OSBP: variants seen among roughly 807,000 people sequenced by gnomAD.
The protein encoded by OSBP is oxysterol-binding protein 1.
Under a neutral mutation model 96.6 loss-of-function variants are expected in OSBP, and 32 were observed. The observed-to-expected ratio is 0.33, with a 90% CI of 0.25 to 0.45. OSBP has a LOEUF of 0.45. Among genes scored for constraint, OSBP ranks in the 20% least tolerant of loss-of-function variants. The probability of loss-of-function intolerance (pLI) is 1.00; values close to 1 mark genes in which losing one functional copy is unlikely to be tolerated. For synonymous variants in OSBP, 369 were observed against 389.6 expected, an observed-to-expected ratio of 0.95 and a Z score of 0.62; for missense variants, 653 against 1,029.7, an observed-to-expected ratio of 0.63 and a Z score of 5.01.
chr11:59,599,444 T>TG (rs1201613190), intron 7 of OSBP, among the ~76,000 whole-genome samples: 1 of 152,150 alleles, frequency 6.6e-6, no homozygotes, highest in Non-Finnish European at 1.5e-5. Context: ...ACCCCACAGT[T>TG]GGCCCCATGA....
intron 9 of OSBP, among the ~76,000 whole-genome samples, chr11:59,590,588 C>T (rs778455716): frequency 2.0e-5 from 3 of 152,172 alleles, no homozygotes; most frequent in Non-Finnish European, 4.4e-5. Context: ...ATAATGAGCA[C>T]TCAACAAATG....
Position 59,608,492 on chromosome 11 carries a change from T to C in OSBP, c.814A>G (p.Met272Val). The change falls in exon 3 of 14, where the codon ATG (methionine) becomes GTG (valine). Residue 272 changes from methionine (M) to valine (V), a missense_variant. This residue lies in a region of OSBP where 308 missense variants were observed against 573.1 expected (regional missense o/e 0.54). Transcript: ENST00000263847. Reference sequence around the variant, plus strand: ...ACACCATCTGCACTCACGTTGATCATGGCATTGGATGTTATCCTAAAGAGT... The same window carrying C: ...ACACCATCTGCACTCACGTTGATCACGGCATTGGATGTTATCCTAAAGAGT... ...ATLFRITSNA[M>V]INACRDFLML... The C allele has an allele frequency of 1.2e-6, 2 of 1,614,208 alleles. No homozygotes were observed. The highest frequency in any genetic ancestry group is 1.7e-6 in the Non-Finnish European group (2 of 1,180,022).
Position 59,576,654 on chromosome 11 carries a change from A to G in OSBP, c.2347T>C (p.Leu783=). Residue 783 remains leucine, a synonymous_variant, in exon 14 of 14, where the codon TTA becomes CTA. Transcript: ENST00000263847. ...TATTCTCCCCTATAAATATGGGTTA[A>G]CTCCTTGGTAACAGGGTCCTTCTTC... The part of the protein sequence containing the change: ...ERKKDPVTKE[L]THIYRGEYWE... 6.2e-7 allele frequency: 1 copy of G among 1,614,050 alleles called. No individual in the cohort carries two copies. The highest frequency in any genetic ancestry group is 8.5e-7 in the Non-Finnish European group (1 of 1,180,006).
At chr11:59,605,832 C>T (rs1200574562) in intron 3 of OSBP, among the ~76,000 whole-genome samples, 2 of 152,290 alleles carry the variant, frequency 1.3e-5, no homozygotes, top group East Asian at 3.9e-4. Flanking sequence ...TTACCATTTA[C>T]AGATAAGGAA....
chr11:59,614,323 T>G (rs1352991443), intron 1 of OSBP, among the ~76,000 whole-genome samples: 3 of 152,188 alleles, frequency 2.0e-5, no homozygotes, highest in Non-Finnish European at 2.9e-5. Flanking sequence ...TCCCAACTCC[T>G]AGGGTTGTTG....
chr11:59,578,984 T>C lies in OSBP; in HGVS notation c.1879-654A>G, dbSNP rs1348608902. 1.3e-5 allele frequency among the ~76,000 whole-genome samples: 2 copies of C among 152,248 alleles called. 1 individual carries two copies. Among genetic ancestry groups the C allele is most frequent in the Non-Finnish European group, 2.9e-5 (2 of 68,046 alleles). The stretch of plus-strand genomic sequence containing the variant: ...TGTACAATTAAATTATTTTTGACTG[T>C]AGTCACCCTGTTGTGCCAGCAAATA... On this transcript the variant is annotated intron_variant, in intron 11 of 13. Coordinates refer to ENST00000263847, the MANE Select transcript of OSBP (RefSeq NM_002556.3).
chr11:59,586,367 G>C (rs1590669419), intron 9 of OSBP, among the ~76,000 whole-genome samples: 1 of 152,004 alleles, frequency 6.6e-6, no homozygotes, highest in African/African-American at 2.4e-5. Flanking sequence ...CTTAATCAAG[G>C]AGGTGAAAAC....
At chr11:59,585,424 G>A (rs1860486992) in intron 9 of OSBP, among the ~76,000 whole-genome samples, 1 of 150,552 alleles carries the variant, frequency 6.6e-6, no homozygotes, top group African/African-American at 2.4e-5. Flanking sequence ...GAAGTGAGGA[G>A]CCCCTCCGCC....
chr11:59,610,113 C>T (rs1590679378), intron 2 of OSBP, among the ~76,000 whole-genome samples: 3 of 152,262 alleles, frequency 2.0e-5, no homozygotes, highest in Admixed American at 2.0e-4. Flanking sequence ...CATCCCAGGC[C>T]TCTACTCTCT....
At chr11:59,612,921 A>G (rs1461128621) in intron 1 of OSBP, among the ~76,000 whole-genome samples, 1 of 152,184 alleles carries the variant, frequency 6.6e-6, no homozygotes, top group Non-Finnish European at 1.5e-5. Flanking sequence ...AGGTAAAGGA[A>G]GTGGTTTGCC....
intron 10 of OSBP, 103 bp downstream of exon 10, chr11:59,581,348 T>C: frequency 1.8e-6 from 1 of 542,676 alleles, no homozygotes; most frequent in Non-Finnish European, 3.3e-6. Context: ...GATGAATCAG[T>C]AGCAACATTC....
intron 8 of OSBP, 137 bp downstream of exon 8, chr11:59,593,873 T>C (rs1227692978): frequency 2.1e-6 from 3 of 1,416,992 alleles, no homozygotes; most frequent in East Asian, 2.4e-5. Context: ...TCTCCAACGC[T>C]GACGTTCTGA....
intron 3 of OSBP, among the ~76,000 whole-genome samples, chr11:59,602,658 C>G (rs1860737234): frequency 6.6e-6 from 1 of 152,228 alleles, no homozygotes. Context: ...ACACAGATTT[C>G]TGGCACAGTC....
At chr11:59,604,498 C>A (rs1165890595) in intron 3 of OSBP, among the ~76,000 whole-genome samples, 1 of 151,466 alleles carries the variant, frequency 6.6e-6, no homozygotes, top group Non-Finnish European at 1.5e-5. Context: ...GGTTAGGTGT[C>A]CGAGACCAGC....
chr11:59,595,816 C>A (rs747773106), intron 7 of OSBP, among the ~76,000 whole-genome samples: 1 of 151,322 alleles, frequency 6.6e-6, no homozygotes, highest in Non-Finnish European at 1.5e-5. Context: ...TGGTGGCGTG[C>A]ACCTGTAGTC....
intron 9 of OSBP, among the ~76,000 whole-genome samples, chr11:59,583,648 T>G (rs973933288): frequency 1.4e-4 from 20 of 138,632 alleles, no homozygotes; most frequent in South Asian, 4.8e-4. Context: ...TTTTTTTTTT[T>G]TTTTTTTTTT....
intron 7 of OSBP, among the ~76,000 whole-genome samples, chr11:59,597,259 G>T (rs1013981241): frequency 1.3e-5 from 2 of 151,956 alleles, no homozygotes; most frequent in Non-Finnish European, 2.9e-5. Context: ...TGGCCAGGCT[G>T]GTCTCGAACT....
intron 12 of OSBP, among the ~76,000 whole-genome samples, chr11:59,577,445 G>C (rs1443259309): frequency 6.6e-6 from 1 of 152,144 alleles, no homozygotes; most frequent in Admixed American, 6.5e-5. Flanking sequence ...CCAAAGTCCT[G>C]TACATTGTCT....
At chr11:59,605,399 T>G (rs1336238756) in intron 3 of OSBP, among the ~76,000 whole-genome samples, 1 of 152,036 alleles carries the variant, frequency 6.6e-6, no homozygotes, top group African/African-American at 2.4e-5. Context: ...CTCATTCCCT[T>G]TTATTTCATT....
Sources: gnomAD v4.1 joint callset for allele counts (sites outside exome capture counted in the v4.1 genomes callset) on GRCh38, gnomAD v4.1.1 for gene constraint, gnomAD v4.1.1 regional missense constraint, MANE v1.5 for transcripts, NCBI Gene and HGNC (gene_info 2026-07-23, HGNC 2026-07-21) for gene names.